Variants in USP25 observed in about 807,000 individuals in gnomAD.
The protein encoded by USP25 is ubiquitin specific peptidase 25, also known as ubiquitin carboxyl-terminal hydrolase 25.
In USP25, 85 loss-of-function variants were observed where a neutral mutation model predicts 158.5. The ratio of observed to expected loss-of-function variants is 0.54; its 90% CI spans 0.45 to 0.64. The LOEUF (loss-of-function observed/expected upper bound fraction) is 0.64. Ranked by LOEUF, USP25 falls within the 30% of genes least tolerant of loss-of-function variation. The pLI is 0.00. For missense variants in USP25, 1,242 were observed against 1,327.3 expected, an observed-to-expected ratio of 0.94 and a Z score of 1.00; for synonymous variants, 464 against 460.4, an observed-to-expected ratio of 1.01 and a Z score of -0.10.
chr21:15,802,214 C>T (rs1207576964), intron 6 of USP25, among the ~76,000 whole-genome samples: 1 of 151,390 alleles, frequency 6.6e-6, no homozygotes, highest in East Asian at 1.9e-4. Flanking sequence ...ACAAATATTT[C>T]AAAATAAAGA....
chr21:15,790,823 G>A (rs964050490), intron 4 of USP25, among the ~76,000 whole-genome samples: 2 of 151,810 alleles, frequency 1.3e-5, no homozygotes, highest in African/African-American at 4.8e-5. Context: ...CTTTTGCCAT[G>A]TTTAGATATA....
At chr21:15,787,827 G>T (rs1056308142) in intron 4 of USP25, among the ~76,000 whole-genome samples, 1 of 150,966 alleles carries the variant, frequency 6.6e-6, no homozygotes, top group Admixed American at 6.6e-5. Flanking sequence ...GGTGAGCTAT[G>T]AAGTGGGATA....
chr21:15,874,481 A>T lies in USP25; in HGVS notation c.2964A>T (p.Gly988=). ...TCTTGTCTAAAGGCTTATACAGAGGACATGATGAAGAATTGATATCACATT... is the reference window on the plus strand; with the variant it reads ...TCTTGTCTAAAGGCTTATACAGAGGTCATGATGAAGAATTGATATCACATT... ...KELLSKGLYR[G]HDEELISHYR... is the part of the protein sequence containing the mutation. Residue 988 remains glycine, a synonymous_variant, in exon 24 of 26, where the codon GGA becomes GGT. Transcript: ENST00000400183. 6.2e-7 allele frequency: 1 copy of T among 1,611,322 alleles called. No homozygotes were observed. The highest frequency in any genetic ancestry group is 1.7e-5 in the Admixed American group (1 of 59,496).
chr21:15,861,829 T>C (rs1207971708), intron 20 of USP25, among the ~76,000 whole-genome samples: 2 of 152,108 alleles, frequency 1.3e-5, no homozygotes, highest in African/African-American at 4.8e-5. Flanking sequence ...TCTTGTGTGA[T>C]TGAAAAACAG....
chr21:15,748,961 G>T (rs553054425), intron 1 of USP25, among the ~76,000 whole-genome samples: 2 of 151,124 alleles, frequency 1.3e-5, no homozygotes, highest in African/African-American at 4.9e-5. Flanking sequence ...AGAGTGAGTG[G>T]TATTTTTGGT....
chr21:15,856,224 G>A (rs1322148643), intron 20 of USP25, among the ~76,000 whole-genome samples: 1 of 152,102 alleles, frequency 6.6e-6, no homozygotes, highest in African/African-American at 2.4e-5. Context: ...TGTGGAAAAA[G>A]AACATAAAAT....
chr21:15,785,052 G>A lies in USP25; in HGVS notation c.393-6450G>A, dbSNP rs535621181. Among the ~76,000 whole-genome samples, 4 of 150,084 alleles carry A rather than the reference G, an allele frequency of 2.7e-5. No individual in the cohort carries two copies. The South Asian group carries it at 6.3e-4, about 24-fold the overall frequency. On this transcript the variant is annotated intron_variant, in intron 4 of 25. Coordinates refer to ENST00000400183, the MANE Select transcript of USP25 (RefSeq NM_001283041.3). Reference sequence around the variant, plus strand: ...AATATAAACATAGACTGAAAGTGAAGGAATGGACAAAGATATCCCATGCAA... The same window carrying A: ...AATATAAACATAGACTGAAAGTGAAAGAATGGACAAAGATATCCCATGCAA...
rs2034025532 is a variant in USP25 at position 15,766,137 on chromosome 21, T to C, written c.264T>C (p.Asp88=). ...DRYISVGSQA[D]TNVIDLTGDD... ...ACATCAGTGTGGGAAGCCAAGCAGA[T>C]ACAAGTAAGTTTTCTTTCTTTTCTT... Residue 88 remains aspartate (D), a synonymous_variant, in exon 3 of 26, where the codon GAT becomes GAC. Transcript: ENST00000400183. The surrounding 1 kb of genome is among the most constrained non-coding windows in gnomAD (Gnocchi z 4.0). The C allele has an allele frequency of 1.3e-6, 2 of 1,584,974 alleles. No homozygotes were observed. Among genetic ancestry groups the C allele is most frequent in the Non-Finnish European group, 1.7e-6 (2 of 1,171,576 alleles).
At chr21:15,831,995 T>A (rs1025862787) in intron 16 of USP25, among the ~76,000 whole-genome samples, 7 of 152,220 alleles carry the variant, frequency 4.6e-5, no homozygotes, top group Non-Finnish European at 8.8e-5. Flanking sequence ...TCCTTTTGAA[T>A]TTATATCCTT....
chr21:15,823,396 T>C (rs1259684833), intron 10 of USP25, among the ~76,000 whole-genome samples: 1 of 152,044 alleles, frequency 6.6e-6, no homozygotes, highest in East Asian at 1.9e-4. Context: ...CTATACTCAT[T>C]ATCAGAATTT....
intron 1 of USP25, among the ~76,000 whole-genome samples, chr21:15,740,531 A>G (rs973390552): frequency 2.0e-5 from 3 of 151,046 alleles, no homozygotes; most frequent in African/African-American, 7.3e-5. Flanking sequence ...GCTAGGTGGG[A>G]TACTTGCCCC....
In USP25 at chr21:15,824,224, T is replaced by C. The variant is rs1251776549; in HGVS notation, c.1208+58T>C. ...AAACAGTTTAGTAAGGGAGAAAATATTGTTTAGAGGAAAATTCTGCATAAT... is the reference window on the plus strand; with the variant it reads ...AAACAGTTTAGTAAGGGAGAAAATACTGTTTAGAGGAAAATTCTGCATAAT... On this transcript the variant is annotated intron_variant, in intron 11 of 25. Coordinates refer to ENST00000400183, the MANE Select transcript of USP25 (RefSeq NM_001283041.3). The C allele has an allele frequency of 1.8e-5, 28 of 1,580,416 alleles. 1 individual carries two copies. The highest frequency in any genetic ancestry group is 3.6e-5 in the Admixed American group (2 of 56,046).
intron 20 of USP25, among the ~76,000 whole-genome samples, chr21:15,859,321 T>C (rs564314368): frequency 2.0e-5 from 3 of 151,852 alleles, no homozygotes; most frequent in South Asian, 4.2e-4. Context: ...GCCTCCTGAG[T>C]AGCTGGGACT....
At chr21:15,730,509 G>A in intron 1 of USP25, 71 bp downstream of exon 1, 2 of 1,287,506 alleles carry the variant, frequency 1.6e-6, no homozygotes, top group Non-Finnish European at 9.9e-7. Flanking sequence ...GCTGCGGCCG[G>A]GCGCCCCGGC....
Position 15,763,042 on chromosome 21 carries a change from A to T in USP25, c.123+74A>T, listed in dbSNP as rs111248172. 3.9e-3 allele frequency: 4,680 copies of T among 1,207,138 alleles called. 109 individuals carry two copies. In the African/African-American group the frequency reaches 0.066, roughly 17 times the overall value. The allele number at this position is 1,207,138 out of a possible 1,614,324, so 74.8% of individuals were successfully genotyped here. A position where few individuals can be genotyped will look rare whatever the true frequency, so the allele number is the denominator to read the frequency against. On this transcript the variant is annotated intron_variant, in intron 2 of 25. Transcript: ENST00000400183. The stretch of plus-strand genomic sequence containing the variant: ...TAGTGCGTATTATATTTGATAGTTG[A>T]TTTTTTTTTTGGGGTATACCATGTG...
chr21:15,794,837 A>T (rs1238566852), intron 5 of USP25, among the ~76,000 whole-genome samples: 1 of 151,564 alleles, frequency 6.6e-6, no homozygotes, highest in African/African-American at 2.4e-5. Flanking sequence ...GGTCTGGCAC[A>T]TTGGAATAGC....
intron 9 of USP25, among the ~76,000 whole-genome samples, chr21:15,811,684 A>G (rs894737319): frequency 3.9e-5 from 6 of 152,198 alleles, no homozygotes; most frequent in African/African-American, 1.4e-4. Context: ...ATTGTACTCT[A>G]TCTTTTGAAA....
rs2034054539 is a variant in USP25, at chr21:15,766,638, A to G, written c.268+497A>G. Among the ~76,000 whole-genome samples, 1 of 152,060 alleles carries G rather than the reference A, an allele frequency of 6.6e-6. No homozygotes were observed. Among genetic ancestry groups the G allele is most frequent in the Non-Finnish European group, 1.5e-5 (1 of 67,958 alleles). On this transcript the variant is annotated intron_variant, in intron 3 of 25. Coordinates refer to ENST00000400183, the MANE Select transcript of USP25 (RefSeq NM_001283041.3). This position sits in a 1 kb window ranked among gnomAD's most constrained non-coding sequence, Gnocchi z 4.0. ...TTCATCCAAAAGAAAAAAAGAAAAG[A>G]AAACTTGGAAAAAGTGTTTTGGAGA... is the stretch of plus-strand genomic sequence containing the variant.
chr21:15,869,568 C>A (rs577044527), intron 22 of USP25, among the ~76,000 whole-genome samples: 15 of 152,014 alleles, frequency 9.9e-5, no homozygotes, highest in African/African-American at 3.6e-4. Flanking sequence ...ATAAACTATT[C>A]GCCTACACAC....
Sources: allele counts gnomAD v4.1 joint callset (sites outside exome capture counted in the v4.1 genomes callset), GRCh38; gene constraint gnomAD v4.1.1; non-coding constraint Gnocchi (gnomAD v3.1); transcripts MANE v1.5; gene names NCBI Gene and HGNC (gene_info 2026-07-23, HGNC 2026-07-21).